The following NTM variants were observed in gnomAD, a reference collection of about 807,000 sequenced individuals.
NTM encodes the protein IgLON family member 2.
In NTM, 13 loss-of-function variants were observed where a neutral mutation model predicts 42.1. The ratio of observed to expected loss-of-function variants is 0.31; its 90% CI spans 0.20 to 0.49. The LOEUF (loss-of-function observed/expected upper bound fraction) is 0.49. Ranked by LOEUF, NTM falls within the 20% of genes least tolerant of loss-of-function variation. The probability of loss-of-function intolerance (pLI) is 0.99; values close to 1 mark genes in which losing one functional copy is unlikely to be tolerated. For synonymous variants in NTM, 187 were observed against 179.2 expected (o/e 1.04, Z -0.35); for missense variants, 373 against 452.8 (o/e 0.82, Z 1.60).
chr11:132,336,099 A>G lies in NTM; in HGVS notation c.*953A>G, dbSNP rs1321097812. 2 of 152,654 alleles carry G rather than the reference A, an allele frequency of 1.3e-5. No individual in the cohort carries two copies. Among genetic ancestry groups the G allele is most frequent in the South Asian group, 2.1e-4 (1 of 4,838 alleles). The allele number at this position is 152,654 out of a possible 1,614,324, so 9.5% of individuals were successfully genotyped here. A position where few individuals can be genotyped will look rare whatever the true frequency, so the allele number is the denominator to read the frequency against. The stretch of plus-strand genomic sequence containing the variant: ...ATACTATGCTCTCTACACACTGTTT[A>G]GAAATGGAAAGGTGATCTGCACTGT... On this transcript the variant is annotated 3_prime_UTR_variant, in exon 9 of 9. Coordinates refer to ENST00000683400, the MANE Select transcript of NTM (RefSeq NM_001352005.2).
chr11:132,207,663 CCATTAA>C (rs1396264964), intron 3 of NTM, among the ~76,000 whole-genome samples: 12 of 152,170 alleles, frequency 7.9e-5, no homozygotes, highest in African/African-American at 2.9e-4. Flanking sequence ...TAGACTTCTT[CCATTAA>C]CAGTTGTGCC....
intron 1 of NTM, among the ~76,000 whole-genome samples, chr11:131,648,148 G>A (rs1423068445): frequency 6.6e-6 from 1 of 152,154 alleles, no homozygotes; most frequent in Non-Finnish European, 1.5e-5. Flanking sequence ...TAAGGGTGAT[G>A]GCCTCCAGCT....
chr11:131,643,435 G>A (rs1041151138), intron 1 of NTM, among the ~76,000 whole-genome samples: 2 of 152,206 alleles, frequency 1.3e-5, no homozygotes, highest in Non-Finnish European at 2.9e-5. Flanking sequence ...GTCAGTAGAA[G>A]ACCCAGGGGA....
rs372695294 is a variant in NTM, at chr11:131,449,610, T to C, written c.82+78722T>C. Among the ~76,000 whole-genome samples the C allele has an allele frequency of 9.7e-4, 147 of 152,288 alleles. 1 individual carries two copies. The highest frequency in any genetic ancestry group is 3.3e-3 in the African/African-American group (138 of 41,556). ...ACCGGCCAGATCTGTGCTGCGTTCA[T>C]CTCTCTCATCAAACCCTCTCTTCTA... On this transcript the variant is annotated intron_variant, in intron 1 of 8. Coordinates refer to ENST00000683400, the MANE Select transcript of NTM (RefSeq NM_001352005.2).
intron 1 of NTM, among the ~76,000 whole-genome samples, chr11:131,856,130 G>C (rs1275290291): frequency 6.6e-6 from 1 of 151,056 alleles, no homozygotes; most frequent in Non-Finnish European, 1.5e-5. Context: ...GGTGAATAAA[G>C]TGAGAATCTT....
chr11:132,275,647 ATACAT>A (rs1025138668), intron 4 of NTM, among the ~76,000 whole-genome samples: 41 of 129,194 alleles, frequency 3.2e-4, no homozygotes, highest in African/African-American at 9.8e-4. Flanking sequence ...GATTTAACTG[ATACAT>A]TACAATTGTG....
intron 1 of NTM, among the ~76,000 whole-genome samples, chr11:131,518,543 T>C (rs755771536): frequency 6.6e-6 from 1 of 152,230 alleles, no homozygotes; most frequent in Non-Finnish European, 1.5e-5. Context: ...ATGCTATTAA[T>C]AGGACAATTC....
chr11:131,421,403 G>A lies in NTM; in HGVS notation c.82+50515G>A, dbSNP rs962684902. Reference sequence around the variant, plus strand: ...GGCCGGTGTGCAGCCCTGCCTGGGGGGAGAGGAGGCATCAGAGGGATGCTG... The same window carrying A: ...GGCCGGTGTGCAGCCCTGCCTGGGGAGAGAGGAGGCATCAGAGGGATGCTG... On this transcript the variant is annotated intron_variant, in intron 1 of 8. Transcript: ENST00000683400. 8.5e-5 allele frequency among the ~76,000 whole-genome samples: 13 copies of A among 152,334 alleles called. 1 individual carries two copies. In the East Asian group the frequency reaches 2.5e-3, roughly 29 times the overall value.
intron 2 of NTM, among the ~76,000 whole-genome samples, chr11:132,079,526 C>A (rs1267178066): frequency 2.6e-5 from 4 of 152,206 alleles, no homozygotes; most frequent in African/African-American, 9.7e-5. Flanking sequence ...AAGTCCCTAT[C>A]TCCTGGTGCA....
At chr11:131,873,600 A>ATATATATACGGTATATATATACG (rs2048077092) in intron 1 of NTM, among the ~76,000 whole-genome samples, 1 of 100,650 alleles carries the variant, frequency 9.9e-6, no homozygotes, top group African/African-American at 4.0e-5. Flanking sequence ...ATATATATAC[A>ATATATATACGGTATATATATACG]TATATATATA....
At chr11:131,670,722 C>T (rs1470248095) in intron 1 of NTM, among the ~76,000 whole-genome samples, 10 of 152,208 alleles carry the variant, frequency 6.6e-5, no homozygotes, top group Non-Finnish European at 1.2e-4. Context: ...TCCTCTACCC[C>T]ACTGGGTCAG....
Position 131,605,681 on chromosome 11 carries a change from A to G in NTM, c.82+234793A>G, listed in dbSNP as rs150887063. ...ATGATGTTAACCCTGGGTGGTTTGT[A>G]TGTGCCCTTTATCAGGGTGAGGACG... On this transcript the variant is annotated intron_variant, in intron 1 of 8. Transcript: ENST00000683400. 550 of 470,770 alleles carry G rather than the reference A, an allele frequency of 1.2e-3. 5 individuals carry two copies. The highest frequency in any genetic ancestry group is 0.011 in the African/African-American group (529 of 47,448). 29.2% of individuals were successfully genotyped at this position (470,770 alleles called of 1,614,324 possible).
Position 132,038,873 on chromosome 11 carries a change from G to A in NTM, c.168-107409G>A, listed in dbSNP as rs566941145. Among the ~76,000 whole-genome samples the A allele has an allele frequency of 3.2e-4, 48 of 152,242 alleles. No homozygotes were observed. The South Asian group carries it at 8.7e-3, about 28-fold the overall frequency. Reference sequence around the variant, plus strand: ...ACTCAGCGTCTCCCTCTCCTTCAGCGTGGAGCCTGTGGTCTCCACCTCCAC... The same window carrying A: ...ACTCAGCGTCTCCCTCTCCTTCAGCATGGAGCCTGTGGTCTCCACCTCCAC... On this transcript the variant is annotated intron_variant, in intron 2 of 8. Coordinates refer to ENST00000683400, the MANE Select transcript of NTM (RefSeq NM_001352005.2).
intron 1 of NTM, among the ~76,000 whole-genome samples, chr11:131,613,987 TC>T (rs1444785866): frequency 7.2e-5 from 11 of 152,160 alleles, no homozygotes; most frequent in Non-Finnish European, 1.5e-4. Context: ...ACCATGTTTT[TC>T]CCTCCCTGCT....
chr11:131,675,760 G>C (rs2071272973), intron 1 of NTM, among the ~76,000 whole-genome samples: 1 of 152,138 alleles, frequency 6.6e-6, no homozygotes, highest in Non-Finnish European at 1.5e-5. Context: ...CCCTCTGCCA[G>C]CATTTTGTCT....
At chr11:131,771,167 T>G (rs536799335) in intron 1 of NTM, 1 of 152,338 alleles carries the variant, frequency 6.6e-6, no homozygotes, top group African/African-American at 2.4e-5. Flanking sequence ...CCATGGCATC[T>G]TGGAAATTCT....
At chr11:131,870,425 G>A (rs533941018) in intron 1 of NTM, among the ~76,000 whole-genome samples, 1 of 152,300 alleles carries the variant, frequency 6.6e-6, no homozygotes, top group South Asian at 2.1e-4. Flanking sequence ...TCTGAATGAT[G>A]GTCTCTTTCC....
chr11:131,765,944 T>A (rs1181645260), intron 1 of NTM, among the ~76,000 whole-genome samples: 1 of 152,194 alleles, frequency 6.6e-6, no homozygotes, highest in African/African-American at 2.4e-5. Flanking sequence ...TACCAATAAT[T>A]TACATTAAAA....
At chr11:131,612,432 A>C (rs2137548289) in intron 1 of NTM, among the ~76,000 whole-genome samples, 1 of 152,326 alleles carries the variant, frequency 6.6e-6, no homozygotes, top group East Asian at 1.9e-4. Context: ...GCTCCTCGCA[A>C]TTTTTATTGT....
Sources: allele counts gnomAD v4.1 joint callset (sites outside exome capture counted in the v4.1 genomes callset), GRCh38; gene constraint gnomAD v4.1.1; transcripts MANE v1.5; gene names NCBI Gene and HGNC (gene_info 2026-07-23, HGNC 2026-07-21).